CTCFL: variants seen among roughly 807,000 people sequenced by gnomAD.
The protein encoded by CTCFL is transcriptional repressor CTCFL.
A neutral mutation model predicts 67.4 loss-of-function variants in CTCFL; 36 were observed. The observed-to-expected ratio is 0.53, with a 90% CI of 0.41 to 0.71. The LOEUF is 0.71. CTCFL is among the 30% of genes least tolerant of loss of function. The pLI is 0.00. For synonymous variants in CTCFL, 324 were observed against 302.3 expected (o/e 1.07, Z -0.75); for missense variants, 786 against 835.2 (o/e 0.94, Z 0.73).
intron 9 of CTCFL, among the ~76,000 whole-genome samples, chr20:57,506,000 A>G (rs2068188892): frequency 6.6e-6 from 1 of 152,264 alleles, no homozygotes; most frequent in South Asian, 2.1e-4. Context: ...GAATTTACAC[A>G]TAATGGGGGT....
At chr20:57,499,897 T>TGCTCA in intron 10 of CTCFL, 1 of 911,524 alleles carries the variant, frequency 1.1e-6, no homozygotes, top group Non-Finnish European at 1.3e-6. Flanking sequence ...CCTCACCCAC[T>TGCTCA]GCTCACCTCC....
At chr20:57,507,551 A>ACT (rs1326539188) in intron 9 of CTCFL, 1 of 701,396 alleles carries the variant, frequency 1.4e-6, no homozygotes, top group East Asian at 2.7e-5. Context: ...TCCTACTTGC[A>ACT]CTCTCTCACT....
intron 10 of CTCFL, 151 bp downstream of exon 10, chr20:57,503,285 G>T: frequency 2.3e-6 from 2 of 855,034 alleles, no homozygotes; most frequent in Non-Finnish European, 3.7e-6. Context: ...CTGCCATTCT[G>T]AGAGATCTGG....
At chr20:57,505,501 C>T (rs946981938) in intron 9 of CTCFL, among the ~76,000 whole-genome samples, 1 of 152,160 alleles carries the variant, frequency 6.6e-6, no homozygotes, top group African/African-American at 2.4e-5. Context: ...CGTGATCCGC[C>T]CGCCTCGGCC....
intron 3 of CTCFL, 54 bp from the exon 4 acceptor site, chr20:57,519,431 T>C (rs2069180779): frequency 2.7e-6 from 4 of 1,488,592 alleles, no homozygotes; most frequent in Middle Eastern, 2.0e-4. Context: ...TCCATTTAAA[T>C]ACTTGAAAGT....
rs770880883 is a variant in CTCFL, at chr20:57,498,686, T to G, written c.1856A>C (p.Glu619Ala). 6 of 1,612,160 alleles carry G rather than the reference T, an allele frequency of 3.7e-6. No individual in the cohort carries two copies. In the East Asian group the frequency reaches 1.1e-4, roughly 30 times the overall value. The change falls in exon 11 of 11, where the codon GAG (glutamate) becomes GCG (alanine). Residue 619 changes from glutamate (E) to alanine (A), a missense_variant. Around this residue, in one of 3 missense-constraint regions of CTCFL, gnomAD observed 199 missense variants for 196.7 expected, o/e 1.01. Transcript: ENST00000243914. ...CTGTTCTCCCTTCGTGGTGGAAGCC[T>G]CCTCAGCAGCAGCTTCTTGAGAAAA... The part of the protein sequence containing the change: ...AANGDEAAAE[E>A]ASTTKGEQFP...
rs779659992 is a variant in CTCFL at position 57,508,737 on chromosome 20, T to G, written c.1543A>C (p.Thr515Pro). 2.5e-6 allele frequency: 4 copies of G among 1,614,194 alleles called. No homozygotes were observed. The highest frequency in any genetic ancestry group is 3.4e-6 in the Non-Finnish European group (4 of 1,180,036). ...IRTHTGEKPF[T>P]CLSCNKCFRQ... is the part of the protein sequence containing the mutation. ...AAACATTTATTGCAAGAAAGGCAGG[T>G]GAATGGTTTCTCTCCAGTGTGGGTA... Residue 515 changes from threonine (T) to proline (P), a missense_variant, in exon 9 of 11, where the codon ACC becomes CCC. By Grantham distance (38) the Thr-to-Pro change is conservative. Around this residue, in one of 3 missense-constraint regions of CTCFL, gnomAD observed 199 missense variants for 196.7 expected, o/e 1.01. Transcript: ENST00000243914.
downstream of CTCFL, among the ~76,000 whole-genome samples, chr20:57,496,579 T>C (rs977729139): frequency 1.4e-4 from 22 of 152,190 alleles, no homozygotes; most frequent in Admixed American, 1.4e-3. Context: ...ATAAACTGTG[T>C]CCACTAAACA....
rs1328179011 is a variant in CTCFL, at chr20:57,497,392, T to C, written c.*1158A>G. ...CCACATATTCACATTGTATAGGGATTCTGAACTTGTGATATTTTCAATAAA... is the reference window on the plus strand; with the variant it reads ...CCACATATTCACATTGTATAGGGATCCTGAACTTGTGATATTTTCAATAAA... On this transcript the variant is annotated 3_prime_UTR_variant, in exon 11 of 11. Coordinates refer to ENST00000243914, the MANE Select transcript of CTCFL (RefSeq NM_001386993.1). 1 of 984,964 alleles carries C rather than the reference T, an allele frequency of 1.0e-6. No individual in the cohort carries two copies. The highest frequency in any genetic ancestry group is 1.2e-6 in the Non-Finnish European group (1 of 829,618). The allele number at this position is 984,964 out of a possible 1,614,324, so 61.0% of individuals were successfully genotyped here.
rs188746905 is a variant in CTCFL at position 57,502,919 on chromosome 20, G to A, written c.1840+517C>T. Among the ~76,000 whole-genome samples, 598 of 152,330 alleles carry A rather than the reference G, an allele frequency of 3.9e-3. 3 individuals carry two copies. The highest frequency in any genetic ancestry group is 4.5e-3 in the Non-Finnish European group (306 of 68,024). Reference sequence around the variant, plus strand: ...AGGCAGAAGAGAAGGCCCACACACAGAAGAGAGGAGAGAGCTAGGAAAAGA... The same window carrying A: ...AGGCAGAAGAGAAGGCCCACACACAAAAGAGAGGAGAGAGCTAGGAAAAGA... On this transcript the variant is annotated intron_variant, in intron 10 of 10. Transcript: ENST00000243914.
chr20:57,522,629 A>G (rs1446544930), intron 3 of CTCFL, among the ~76,000 whole-genome samples: 3 of 152,184 alleles, frequency 2.0e-5, no homozygotes, highest in Admixed American at 2.0e-4. Context: ...TCCCCATCTT[A>G]GTGGCTTCTT....
chr20:57,510,009 C>T (rs1209953322), intron 8 of CTCFL, among the ~76,000 whole-genome samples: 1 of 152,204 alleles, frequency 6.6e-6, no homozygotes, highest in Non-Finnish European at 1.5e-5. Flanking sequence ...GGAAGCCCTC[C>T]TAGTTCATTT....
chr20:57,501,352 T>C (rs145108742), intron 10 of CTCFL, among the ~76,000 whole-genome samples: 2 of 130,548 alleles, frequency 1.5e-5, no homozygotes, highest in Non-Finnish European at 3.1e-5. Flanking sequence ...TTAAGGCTGA[T>C]AGGAAAGAGC....
At chr20:57,518,429 A>G (rs2069089380) in intron 5 of CTCFL, 2 of 1,046,900 alleles carry the variant, frequency 1.9e-6, no homozygotes, top group Non-Finnish European at 1.3e-6. Context: ...CGTTAGAGCA[A>G]ATACATTTTG....
intron 10 of CTCFL, among the ~76,000 whole-genome samples, chr20:57,501,233 G>A (rs1281261314): frequency 2.0e-5 from 3 of 152,194 alleles, no homozygotes; most frequent in Non-Finnish European, 2.9e-5. Context: ...GTGGGAATCC[G>A]GCACTTATTA....
intron 8 of CTCFL, among the ~76,000 whole-genome samples, chr20:57,511,402 C>T (rs563883043): frequency 5.4e-4 from 82 of 152,158 alleles, no homozygotes; most frequent in African/African-American, 1.8e-3. Context: ...AACTTGTGCT[C>T]CTCTGCGACA....
At position 57,518,794 on chromosome 20, in the gene CTCFL, G is replaced by A. The variant is rs555474647; in HGVS notation, c.1023C>T (p.Pro341=). 4.3e-6 allele frequency: 7 copies of A among 1,614,142 alleles called. No homozygotes were observed. The African/African-American group carries it at 9.3e-5, about 22-fold the overall frequency. ...CATACTTGCACATGGAACATTTAAAGGGTTTCTCATGAGTATGTTTATAGC... is the reference window on the plus strand; with the variant it reads ...CATACTTGCACATGGAACATTTAAAAGGTTTCTCATGAGTATGTTTATAGC... ...HRRYKHTHEK[P]FKCSMCKYAS... Residue 341 remains proline, a synonymous_variant, in exon 5 of 11, where the codon CCC becomes CCT. Coordinates refer to ENST00000243914, the MANE Select transcript of CTCFL (RefSeq NM_001386993.1).
chr20:57,520,835 C>G (rs1425995276), intron 3 of CTCFL, among the ~76,000 whole-genome samples: 1 of 152,206 alleles, frequency 6.6e-6, no homozygotes, highest in African/African-American at 2.4e-5. Flanking sequence ...TGAATGTGAT[C>G]TTATGTGCAG....
chr20:57,515,582 T>G (rs764281216), intron 6 of CTCFL, 132 bp downstream of exon 6: 1 of 1,119,154 alleles, frequency 8.9e-7, no homozygotes, highest in Admixed American at 1.8e-5. Flanking sequence ...ATCAAGATTC[T>G]TTTATCATGA....
Sources: allele counts gnomAD v4.1 joint callset (sites outside exome capture counted in the v4.1 genomes callset), GRCh38; gene constraint gnomAD v4.1.1; regional missense constraint gnomAD v4.1.1; transcripts MANE v1.5; gene names NCBI Gene and HGNC (gene_info 2026-07-23, HGNC 2026-07-21).